Variants in ANKS1B observed in about 807,000 individuals in gnomAD.
ANKS1B encodes ankyrin repeat and sterile alpha motif domain-containing protein 1B.
Under a neutral mutation model 148.3 loss-of-function variants are expected in ANKS1B, and 36 were observed. The ratio of observed to expected loss-of-function variants is 0.24; its 90% CI spans 0.19 to 0.32. ANKS1B has a LOEUF of 0.32. Among genes scored for constraint, ANKS1B ranks in the 10% least tolerant of loss-of-function variants. The pLI is 1.00. For synonymous variants in ANKS1B, 542 were observed against 560.8 expected (o/e 0.97, Z 0.47); for missense variants, 1,157 against 1,542.6 (o/e 0.75, Z 4.19).
intron 20 of ANKS1B, among the ~76,000 whole-genome samples, chr12:98,805,083 C>A (rs2099039625): frequency 6.6e-6 from 1 of 152,122 alleles, no homozygotes; most frequent in Non-Finnish European, 1.5e-5. Context: ...ACACAGTGGT[C>A]TTTGAAAGGA....
intron 10 of ANKS1B, among the ~76,000 whole-genome samples, chr12:99,447,863 C>T (rs1352650583): frequency 6.6e-6 from 1 of 152,040 alleles, no homozygotes; most frequent in Non-Finnish European, 1.5e-5. Flanking sequence ...CCTAACAACA[C>T]TAATCATCAG....
At chr12:99,240,463 G>T (rs1029496117) in intron 14 of ANKS1B, among the ~76,000 whole-genome samples, 1 of 152,096 alleles carries the variant, frequency 6.6e-6, no homozygotes, top group Non-Finnish European at 1.5e-5. Flanking sequence ...CAATAATAAT[G>T]ATAGACTTTA....
chr12:99,594,980 A>T (rs1395567413), intron 9 of ANKS1B, among the ~76,000 whole-genome samples: 2 of 152,040 alleles, frequency 1.3e-5, no homozygotes, highest in Non-Finnish European at 2.9e-5. Context: ...CATAAGGTCA[A>T]GTGACTTTAA....
At chr12:98,805,926 C>T (rs894710438) in intron 20 of ANKS1B, among the ~76,000 whole-genome samples, 3 of 152,192 alleles carry the variant, frequency 2.0e-5, no homozygotes, top group African/African-American at 4.8e-5. Context: ...GGCTGGAGTG[C>T]GATGGCACAA....
At chr12:99,054,690 C>T (rs1321533534) in intron 16 of ANKS1B, among the ~76,000 whole-genome samples, 3 of 152,166 alleles carry the variant, frequency 2.0e-5, no homozygotes, top group African/African-American at 7.2e-5. Flanking sequence ...AGGTGAGTGT[C>T]ACCAAGCCTG....
intron 9 of ANKS1B, among the ~76,000 whole-genome samples, chr12:99,653,311 T>C (rs1310704211): frequency 1.3e-5 from 2 of 152,208 alleles, no homozygotes; most frequent in African/African-American, 4.8e-5. Flanking sequence ...CCCTGATTAT[T>C]TTATTTCAGT....
chr12:99,511,007 C>T (rs887463170), intron 9 of ANKS1B, among the ~76,000 whole-genome samples: 12 of 151,840 alleles, frequency 7.9e-5, no homozygotes, highest in African/African-American at 2.9e-4. Flanking sequence ...TATTTGAATA[C>T]CCCTTATTTC....
At chr12:99,834,524 A>G (rs1032285304) in intron 1 of ANKS1B, among the ~76,000 whole-genome samples, 2 of 152,356 alleles carry the variant, frequency 1.3e-5, no homozygotes, top group Admixed American at 1.3e-4. Flanking sequence ...TTTAGAATAA[A>G]TATAAACAAA....
chr12:99,874,488 G>C (rs1262438387), intron 1 of ANKS1B, among the ~76,000 whole-genome samples: 2 of 151,950 alleles, frequency 1.3e-5, no homozygotes, highest in Non-Finnish European at 2.9e-5. Flanking sequence ...AAGATATTTT[G>C]GATTCCAGAT....
At chr12:99,685,747 C>CATATAT (rs149096040) in intron 8 of ANKS1B, among the ~76,000 whole-genome samples, 2 of 150,374 alleles carry the variant, frequency 1.3e-5, no homozygotes, top group African/African-American at 4.9e-5. Context: ...TGTGTGTATA[C>CATATAT]ATATATATAT....
intron 12 of ANKS1B, among the ~76,000 whole-genome samples, chr12:99,344,624 C>T (rs2090405021): frequency 6.6e-6 from 1 of 151,966 alleles, no homozygotes; most frequent in African/African-American, 2.4e-5. Context: ...TAAAATCTTG[C>T]CTACTTTTGG....
intron 8 of ANKS1B, among the ~76,000 whole-genome samples, chr12:99,746,626 C>T (rs1020175844): frequency 6.6e-6 from 1 of 151,990 alleles, no homozygotes; most frequent in Non-Finnish European, 1.5e-5. Flanking sequence ...GAGTAAGTAA[C>T]ATTAACTAGG....
intron 8 of ANKS1B, among the ~76,000 whole-genome samples, chr12:99,659,681 TTA>T (rs1262655624): frequency 6.6e-6 from 1 of 152,116 alleles, no homozygotes; most frequent in Non-Finnish European, 1.5e-5. Flanking sequence ...TATGTGTAAA[TTA>T]TATGACAACT....
intron 22 of ANKS1B, among the ~76,000 whole-genome samples, chr12:98,791,763 T>C: frequency 6.6e-6 from 1 of 152,258 alleles, no homozygotes. Context: ...AAAAGTTTTT[T>C]TTCCCAGTCT....
At chr12:99,191,679 C>T (rs553973042) in intron 14 of ANKS1B, among the ~76,000 whole-genome samples, 1 of 152,266 alleles carries the variant, frequency 6.6e-6, no homozygotes, top group African/African-American at 2.4e-5. Flanking sequence ...GAACATCACA[C>T]ACTGGGCCTG....
intron 14 of ANKS1B, among the ~76,000 whole-genome samples, chr12:99,197,430 C>T (rs970641431): frequency 5.3e-5 from 8 of 152,068 alleles, no homozygotes; most frequent in Admixed American, 5.2e-4. Flanking sequence ...CAGTGCTAGG[C>T]AGAATAGTGG....
intron 9 of ANKS1B, among the ~76,000 whole-genome samples, chr12:99,512,171 A>G (rs1226414804): frequency 6.6e-6 from 1 of 152,084 alleles, no homozygotes; most frequent in Non-Finnish European, 1.5e-5. Context: ...CCATCTGACA[A>G]AAGTCTAATA....
At chr12:99,385,769 T>G (rs564210943) in intron 12 of ANKS1B, among the ~76,000 whole-genome samples, 89 of 152,212 alleles carry the variant, frequency 5.8e-4, no homozygotes, top group Non-Finnish European at 1.1e-3. Flanking sequence ...GAAAATATGC[T>G]AAGGAGACTA....
intron 1 of ANKS1B, among the ~76,000 whole-genome samples, chr12:99,957,671 A>C (rs1445608598): frequency 2.6e-5 from 4 of 152,224 alleles, no homozygotes; most frequent in Non-Finnish European, 5.9e-5. Context: ...TCACTGTCCC[A>C]AAAACTAGAA....
Sources: gnomAD v4.1 joint callset for allele counts (sites outside exome capture counted in the v4.1 genomes callset) on GRCh38, gnomAD v4.1.1 for gene constraint, MANE v1.5 for transcripts, NCBI Gene and HGNC (gene_info 2026-07-23, HGNC 2026-07-21) for gene names.